RBFOX1: variants seen among roughly 807,000 people sequenced by gnomAD.
RBFOX1 encodes the protein RNA binding protein fox-1 homolog 1.
Under a neutral mutation model 57.7 loss-of-function variants are expected in RBFOX1, and 8 were observed. The ratio of observed to expected loss-of-function variants is 0.14; its 90% CI spans 0.08 to 0.25. RBFOX1 has a LOEUF of 0.25. Among genes scored for constraint, RBFOX1 ranks in the 10% least tolerant of loss-of-function variants. RBFOX1 has a pLI of 1.00. For missense variants in RBFOX1, 611 were observed against 548.5 expected, an observed-to-expected ratio of 1.11 and a Z score of -1.14; for synonymous variants, 326 against 222.4, an observed-to-expected ratio of 1.47 and a Z score of -4.15.
At chr16:6,960,781 C>G (rs923238212) in intron 3 of RBFOX1, among the ~76,000 whole-genome samples, 3 of 151,894 alleles carry the variant, frequency 2.0e-5, no homozygotes, top group Non-Finnish European at 2.9e-5. Flanking sequence ...ATCATCATAT[C>G]CCTGACTGTA....
intron 4 of RBFOX1, among the ~76,000 whole-genome samples, chr16:5,884,260 G>A (rs1021433125): frequency 7.9e-5 from 12 of 152,172 alleles, no homozygotes; most frequent in African/African-American, 1.9e-4. Context: ...CCCCAGCAGA[G>A]TGTTGTCCAG....
chr16:5,907,942 G>T (rs1009752858), intron 4 of RBFOX1, among the ~76,000 whole-genome samples: 2 of 151,728 alleles, frequency 1.3e-5, no homozygotes, highest in Non-Finnish European at 2.9e-5. Flanking sequence ...GTAGAGACTG[G>T]ATTTCACTAT....
At chr16:6,954,639 T>G (rs1005564124) in intron 3 of RBFOX1, among the ~76,000 whole-genome samples, 9 of 152,002 alleles carry the variant, frequency 5.9e-5, no homozygotes, top group Non-Finnish European at 2.9e-5. Flanking sequence ...GAGGCATGAT[T>G]TTTCTAGGGC....
At chr16:6,699,032 A>C (rs531452034) in intron 3 of RBFOX1, among the ~76,000 whole-genome samples, 3 of 152,296 alleles carry the variant, frequency 2.0e-5, no homozygotes, top group Non-Finnish European at 4.4e-5. Context: ...GGTACTAAAA[A>C]TGGGTGTTTC....
At chr16:6,914,559 A>G (rs1295112975) in intron 3 of RBFOX1, among the ~76,000 whole-genome samples, 2 of 135,076 alleles carry the variant, frequency 1.5e-5, no homozygotes, top group Non-Finnish European at 3.1e-5. Flanking sequence ...GAAGAAAACA[A>G]AAATAAAAAA....
intron 1 of RBFOX1, among the ~76,000 whole-genome samples, chr16:5,454,963 C>CTTTCTTTCTTTCT (rs2068576282): frequency 4.1e-5 from 2 of 48,748 alleles, no homozygotes; most frequent in African/African-American, 1.5e-4. Context: ...TCCTTCCTTT[C>CTTTCTTTCTTTCT]TTTCTTTCTT....
intron 3 of RBFOX1, among the ~76,000 whole-genome samples, chr16:6,831,968 G>A (rs1341059492): frequency 6.6e-6 from 1 of 152,186 alleles, no homozygotes; most frequent in African/African-American, 2.4e-5. Context: ...AAAACGGGAA[G>A]ATGTTGCTAA....
intron 14 of RBFOX1, among the ~76,000 whole-genome samples, chr16:7,698,547 C>G (rs1006521211): frequency 6.6e-6 from 1 of 152,146 alleles, no homozygotes; most frequent in South Asian, 2.1e-4. Flanking sequence ...ATGCTGCCAG[C>G]TACATTAAAA....
chr16:6,371,657 T>C (rs1050243105), intron 2 of RBFOX1, among the ~76,000 whole-genome samples: 2 of 152,154 alleles, frequency 1.3e-5, no homozygotes, highest in South Asian at 2.1e-4. Flanking sequence ...CTTCCTTTGA[T>C]TGGAGAGTGG....
At chr16:7,506,215 AAAT>A (rs1187537315) in intron 4 of RBFOX1, among the ~76,000 whole-genome samples, 3 of 145,522 alleles carry the variant, frequency 2.1e-5, no homozygotes, top group Non-Finnish European at 3.0e-5. Flanking sequence ...AAAAAAAAAA[AAAT>A]TTCTGTAAGC....
chr16:5,316,416 A>C (rs952045114), intron 1 of RBFOX1, among the ~76,000 whole-genome samples: 1 of 152,188 alleles, frequency 6.6e-6, no homozygotes, highest in African/African-American at 2.4e-5. Context: ...GTCTCCAGTG[A>C]ATAGGTGGAG....
At chr16:7,344,259 C>G (rs60478792) in intron 4 of RBFOX1, among the ~76,000 whole-genome samples, 29,737 of 150,696 alleles carry the variant, frequency 0.2, 4,504 homozygotes, top group African/African-American at 0.43. Context: ...AGGATCAAAT[C>G]AATTAATACT....
chr16:5,591,007 G>C (rs1353022651), intron 2 of RBFOX1, among the ~76,000 whole-genome samples: 2 of 151,468 alleles, frequency 1.3e-5, no homozygotes, highest in East Asian at 3.9e-4. Context: ...CATGTGATGT[G>C]AGCTAAACAT....
chr16:7,637,364 G>C (rs2109062), intron 11 of RBFOX1, among the ~76,000 whole-genome samples: 85,750 of 151,942 alleles, frequency 0.56, 25,169 homozygotes, highest in East Asian at 0.75. Context: ...CTCATTTATT[G>C]ACTTCTATGA....
intron 3 of RBFOX1, among the ~76,000 whole-genome samples, chr16:6,716,534 T>C (rs1302644446): frequency 2.0e-5 from 3 of 152,270 alleles, no homozygotes; most frequent in African/African-American, 4.8e-5. Context: ...CTTGTTTACC[T>C]GCATAGAACT....
chr16:7,630,056 C>G lies in RBFOX1; in HGVS notation c.677-547C>G, dbSNP rs1296121358. On this transcript the variant is annotated intron_variant, in intron 10 of 15. Coordinates refer to ENST00000550418, the MANE Select transcript of RBFOX1 (RefSeq NM_018723.4). ...CATTTGAAGGAAGTTACCGTTTTCT[C>G]TAAACCTATCAACATGTATGCTTAC... 2.6e-4 allele frequency among the ~76,000 whole-genome samples: 40 copies of G among 152,140 alleles called. 3 individuals carry two copies. Among genetic ancestry groups the G allele is most frequent in the Admixed American group, 2.6e-3 (40 of 15,276 alleles).
At chr16:7,094,910 G>A (rs73542410) in intron 4 of RBFOX1, among the ~76,000 whole-genome samples, 2,921 of 152,034 alleles carry the variant, frequency 0.019, 95 homozygotes, top group African/African-American at 0.065. Flanking sequence ...CTTTTGCCCC[G>A]TCTCTTAATA....
chr16:7,010,710 C>T (rs141228333), intron 3 of RBFOX1, among the ~76,000 whole-genome samples: 3 of 152,160 alleles, frequency 2.0e-5, no homozygotes, highest in Admixed American at 6.5e-5. Flanking sequence ...ATTACACTTG[C>T]ATGCCACCAC....
intron 4 of RBFOX1, among the ~76,000 whole-genome samples, chr16:7,449,161 T>A (rs1433778068): frequency 6.6e-6 from 1 of 152,080 alleles, no homozygotes; most frequent in African/African-American, 2.4e-5. Context: ...ACTCCCGACT[T>A]CAGGTGATCC....
Sources: allele counts gnomAD v4.1 joint callset (sites outside exome capture counted in the v4.1 genomes callset), GRCh38; gene constraint gnomAD v4.1.1; transcripts MANE v1.5; gene names NCBI Gene and HGNC (gene_info 2026-07-23, HGNC 2026-07-21).